Variants in ATP10B observed in about 807,000 individuals in gnomAD.
ATP10B encodes ATPase phospholipid transporting 10B (putative).
In ATP10B, 122 loss-of-function variants were observed where a neutral mutation model predicts 141.2. The observed-to-expected ratio is 0.86, with a 90% CI of 0.75 to 1.00. ATP10B has a LOEUF of 1.00. ATP10B is among the 50% of genes least tolerant of loss of function. ATP10B has a pLI of 0.00. For synonymous variants in ATP10B, 685 were observed against 692.0 expected, an observed-to-expected ratio of 0.99 and a Z score of 0.16; for missense variants, 1,876 against 1,825.3, an observed-to-expected ratio of 1.03 and a Z score of -0.51.
Position 160,785,680 on chromosome 5 carries a change from G to A in ATP10B, c.-452C>T. 2 of 1,287,858 alleles carry A rather than the reference G, an allele frequency of 1.6e-6. No individual in the cohort carries two copies. The highest frequency in any genetic ancestry group is 2.0e-6 in the Non-Finnish European group (2 of 987,828). 79.8% of individuals were successfully genotyped at this position (1,287,858 alleles called of 1,614,324 possible). ...AATGGTAGTTTCTCATCTTGGCAGT[G>A]GAGAGGAGTTCATTATCTCCACTGA... On this transcript the variant is annotated 5_prime_UTR_variant, in exon 2 of 26. Transcript: ENST00000327245.
At position 160,762,971 on chromosome 5, in the gene ATP10B, G is replaced by A. The variant is rs1210210089; in HGVS notation, c.-331+22588C>T. Among the ~76,000 whole-genome samples the A allele has an allele frequency of 3.3e-5, 5 of 152,104 alleles. No individual in the cohort carries two copies. The East Asian group carries it at 7.7e-4, about 23-fold the overall frequency. On this transcript the variant is annotated intron_variant, in intron 2 of 25. Coordinates refer to ENST00000327245, the MANE Select transcript of ATP10B (RefSeq NM_025153.3). ...ACAACAGCTAAAAAAGGCAAAGAGG[G>A]ACATTATATAATGATAAAAGGATTA...
intron 1 of ATP10B, among the ~76,000 whole-genome samples, chr5:160,812,047 AGAGAGAGAGAGAGGGAGAGG>A (rs1561880049): frequency 1.3e-3 from 166 of 129,040 alleles, no homozygotes; most frequent in African/African-American, 4.1e-3. Flanking sequence ...AGAGAGAGAG[AGAGAGAGAGAGAGGGAGAGG>A]GAGAGAGATT....
the ATP10B span, among the ~76,000 whole-genome samples, chr5:160,871,891 T>TTTC: frequency 6.6e-6 from 1 of 152,118 alleles, no homozygotes; most frequent in African/African-American, 2.4e-5. Flanking sequence ...AATGACTTAT[T>TTTC]TTCCTCTGTG....
the ATP10B span, among the ~76,000 whole-genome samples, chr5:160,863,166 A>G: frequency 1.0e-3 from 156 of 152,076 alleles, no homozygotes; most frequent in Non-Finnish European, 1.2e-3. Flanking sequence ...TTCCTACCCA[A>G]TATCTGATGC....
chr5:160,780,908 T>G (rs1457470555), intron 2 of ATP10B, among the ~76,000 whole-genome samples: 1 of 152,188 alleles, frequency 6.6e-6, no homozygotes, highest in East Asian at 1.9e-4. Flanking sequence ...AGGGCTGCCA[T>G]TTTGAACAAA....
intron 1 of ATP10B, among the ~76,000 whole-genome samples, chr5:160,825,589 A>G (rs530352839): frequency 3.0e-4 from 46 of 152,322 alleles, no homozygotes; most frequent in African/African-American, 1.0e-3. Flanking sequence ...GACTAATACA[A>G]TGAGATTTCC....
chr5:160,810,381 TGA>T (rs960834857), intron 1 of ATP10B, among the ~76,000 whole-genome samples: 2 of 144,706 alleles, frequency 1.4e-5, no homozygotes, highest in Non-Finnish European at 3.1e-5. Flanking sequence ...CCTAAATGTA[TGA>T]GATTTTTAAA....
intron 2 of ATP10B, among the ~76,000 whole-genome samples, chr5:160,719,174 G>A (rs1465594657): frequency 6.6e-6 from 1 of 152,196 alleles, no homozygotes; most frequent in Non-Finnish European, 1.5e-5. Flanking sequence ...GCTGAGACGG[G>A]CGGATCACGA....
At chr5:160,673,347 G>C (rs11738717) in intron 6 of ATP10B, among the ~76,000 whole-genome samples, 97,441 of 151,764 alleles carry the variant, frequency 0.64, 31,962 homozygotes, top group Middle Eastern at 0.78. Flanking sequence ...TTTCGTACAG[G>C]CATGCAATGT....
intron 1 of ATP10B, among the ~76,000 whole-genome samples, chr5:160,816,118 C>A (rs923113459): frequency 6.7e-6 from 1 of 150,224 alleles, no homozygotes; most frequent in Non-Finnish European, 1.5e-5. Flanking sequence ...GAAGCAAGAG[C>A]AAACACATTC....
intron 1 of ATP10B, among the ~76,000 whole-genome samples, chr5:160,849,353 A>G (rs1236472169): frequency 6.6e-6 from 1 of 152,176 alleles, no homozygotes; most frequent in Non-Finnish European, 1.5e-5. Context: ...TCTAAGAGAC[A>G]AAAGTACCTC....
chr5:160,691,455 A>T (rs1364394497), intron 3 of ATP10B, among the ~76,000 whole-genome samples: 2 of 151,878 alleles, frequency 1.3e-5, no homozygotes, highest in Non-Finnish European at 2.9e-5. Flanking sequence ...TTTTGGCCAA[A>T]TTTTTCTTAA....
chr5:160,911,552 G>T, the ATP10B span, among the ~76,000 whole-genome samples: 2 of 152,170 alleles, frequency 1.3e-5, no homozygotes, highest in African/African-American at 4.8e-5. Flanking sequence ...CTTTGGTTTT[G>T]GTTGGGGAGA....
rs1456073122 is a variant in ATP10B, at chr5:160,715,122, T to C, written c.-205+1787A>G. ...AGCCTACAGAGGCAGGCAGGCCTCC[T>C]TGAGCTGTGGTGGGCTCCACCAAGT... On this transcript the variant is annotated intron_variant, in intron 3 of 25. Transcript: ENST00000327245. Among the ~76,000 whole-genome samples the C allele has an allele frequency of 1.3e-5, 2 of 148,736 alleles. 1 individual carries two copies. Among genetic ancestry groups the C allele is most frequent in the African/African-American group, 5.0e-5 (2 of 39,788 alleles).
At chr5:160,566,908 CTA>C (rs1482749885) in intron 25 of ATP10B, among the ~76,000 whole-genome samples, 1 of 152,170 alleles carries the variant, frequency 6.6e-6, no homozygotes, top group Non-Finnish European at 1.5e-5. Context: ...TATTCTTCCA[CTA>C]TGTCTAAAAG....
At chr5:160,909,854 T>C in the ATP10B span, among the ~76,000 whole-genome samples, 2 of 152,176 alleles carry the variant, frequency 1.3e-5, no homozygotes, top group African/African-American at 4.8e-5. Context: ...CCAAGGCCTC[T>C]GCTGACCGAC....
At chr5:160,840,208 A>G (rs1330423256) in intron 1 of ATP10B, among the ~76,000 whole-genome samples, 1 of 152,056 alleles carries the variant, frequency 6.6e-6, no homozygotes, top group Non-Finnish European at 1.5e-5. Context: ...ACCCAAGAAA[A>G]TATTGACAAG....
intron 1 of ATP10B, among the ~76,000 whole-genome samples, chr5:160,787,198 A>T (rs1771232280): frequency 6.6e-6 from 1 of 152,072 alleles, no homozygotes; most frequent in African/African-American, 2.4e-5. Flanking sequence ...TAAAAAGGGT[A>T]GATTTCAAGA....
chr5:160,730,980 C>T (rs2127793921), intron 2 of ATP10B, among the ~76,000 whole-genome samples: 1 of 152,308 alleles, frequency 6.6e-6, no homozygotes, highest in Non-Finnish European at 1.5e-5. Context: ...CAGCCATTCT[C>T]TGGGTTCTCT....
Sources: allele counts gnomAD v4.1 joint callset (sites outside exome capture counted in the v4.1 genomes callset), GRCh38; gene constraint gnomAD v4.1.1; transcripts MANE v1.5; gene names NCBI Gene and HGNC (gene_info 2026-07-23, HGNC 2026-07-21).